MROH9: variants seen among roughly 807,000 people sequenced by gnomAD.
MROH9 encodes the protein maestro heat like repeat family member 9.
MROH9 carries 92 observed loss-of-function variants against 98.2 expected under a neutral mutation model. The observed-to-expected ratio is 0.94, with a 90% confidence interval of 0.79 to 1.11. The LOEUF is 1.11. Among genes scored for constraint, MROH9 ranks in the 50% most tolerant of loss-of-function variants. The pLI is 0.00. For synonymous variants in MROH9, 397 were observed against 368.9 expected, an observed-to-expected ratio of 1.08 and a Z score of -0.87; for missense variants, 1,057 against 1,014.8, an observed-to-expected ratio of 1.04 and a Z score of -0.57.
At chr1:171,050,448 G>C (rs1247911254) in intron 20 of MROH9, among the ~76,000 whole-genome samples, 1 of 152,096 alleles carries the variant, frequency 6.6e-6, no homozygotes, top group Non-Finnish European at 1.5e-5. Flanking sequence ...TATTGTAGAT[G>C]GGATTTAGTT....
At chr1:170,955,358 T>C (rs1234507245) in intron 3 of MROH9, among the ~76,000 whole-genome samples, 1 of 152,178 alleles carries the variant, frequency 6.6e-6, no homozygotes, top group African/African-American at 2.4e-5. Flanking sequence ...CTGGATCAAA[T>C]GGTAGTTCTA....
chr1:171,042,828 T>G (rs961000528), intron 20 of MROH9, among the ~76,000 whole-genome samples: 3 of 152,014 alleles, frequency 2.0e-5, no homozygotes. Context: ...TCTTTTGATC[T>G]GATTATTAGA....
intron 3 of MROH9, among the ~76,000 whole-genome samples, chr1:170,951,649 A>G (rs1180188151): frequency 6.6e-6 from 1 of 152,104 alleles, no homozygotes; most frequent in African/African-American, 2.4e-5. Flanking sequence ...AGGGAAAGAC[A>G]CCTCCTAGCT....
At chr1:171,032,171 G>A (rs1342640734) in intron 20 of MROH9, among the ~76,000 whole-genome samples, 1 of 152,136 alleles carries the variant, frequency 6.6e-6, no homozygotes, top group Non-Finnish European at 1.5e-5. Context: ...TCAGTTAGCA[G>A]CTCCTATAAC....
rs137870459 is a variant in MROH9, at chr1:170,977,391, A to T, written c.616+5508A>T. Among the ~76,000 whole-genome samples the T allele has an allele frequency of 6.6e-5, 10 of 152,344 alleles. No homozygotes were observed. In the East Asian group the frequency reaches 1.9e-3, roughly 29 times the overall value. On this transcript the variant is annotated intron_variant, in intron 8 of 21. Coordinates refer to ENST00000367759, the MANE Select transcript of MROH9 (RefSeq NM_001163629.2). ...ACTGCAGTGGAGATTGAGTATAGTC[A>T]GTAGACTTCCTTTCTGGATGTCTTC...
chr1:170,975,279 A>G (rs1473231129), intron 8 of MROH9, among the ~76,000 whole-genome samples: 3 of 152,160 alleles, frequency 2.0e-5, no homozygotes, highest in Non-Finnish European at 4.4e-5. Context: ...AGACAATGAT[A>G]TAACATGTTA....
intron 3 of MROH9, among the ~76,000 whole-genome samples, chr1:170,953,291 G>A (rs890825898): frequency 3.3e-5 from 5 of 151,904 alleles, no homozygotes; most frequent in African/African-American, 9.7e-5. Flanking sequence ...TCAGTATATG[G>A]TTTGTCTTAT....
intron 17 of MROH9, 86 bp from the exon 18 acceptor site, chr1:171,024,309 T>TGTGTGTGTGG: frequency 2.3e-6 from 2 of 868,204 alleles, no homozygotes; most frequent in Non-Finnish European, 3.6e-6. Flanking sequence ...ATGGGGTGTG[T>TGTGTGTGTGG]GTGTGTGTGT....
intron 4 of MROH9, among the ~76,000 whole-genome samples, chr1:170,958,768 A>G (rs1392244653): frequency 6.6e-6 from 1 of 152,154 alleles, no homozygotes; most frequent in Non-Finnish European, 1.5e-5. Flanking sequence ...ATCAGTTTGA[A>G]GATGCATCTC....
chr1:171,015,661 C>G (rs1652301492), intron 16 of MROH9, among the ~76,000 whole-genome samples: 1 of 151,890 alleles, frequency 6.6e-6, no homozygotes, highest in Non-Finnish European at 1.5e-5. Context: ...CCAAATGGGT[C>G]ACTATCATCT....
intron 14 of MROH9, 86 bp from the exon 15 acceptor site, chr1:170,998,068 A>C: frequency 9.8e-7 from 1 of 1,019,708 alleles, no homozygotes; most frequent in Non-Finnish European, 1.4e-6. Context: ...GGGAGGTGCA[A>C]GATATTAGAA....
Position 170,986,620 on chromosome 1 carries a change from G to GA in MROH9, c.792dup (p.Leu265ThrfsTer5). 6.2e-7 allele frequency: 1 copy of GA among 1,613,846 alleles called. No individual in the cohort carries two copies. Among genetic ancestry groups the GA allele is most frequent in the Non-Finnish European group, 8.5e-7 (1 of 1,179,892 alleles). On this transcript the variant is annotated frameshift_variant, in exon 10 of 22. Coordinates refer to ENST00000367759, the MANE Select transcript of MROH9 (RefSeq NM_001163629.2). LOFTEE classifies it high-confidence loss of function. ...CTGACTTTGTGCAGAGTCTCCTGAT[G>GA]AAACTCTCTTCACCTGATGATAAAA...
At chr1:171,022,933 C>A (rs76331809) in intron 17 of MROH9, among the ~76,000 whole-genome samples, 3,846 of 152,152 alleles carry the variant, frequency 0.025, 70 homozygotes, top group Non-Finnish European at 0.04. Context: ...TGGCCAAGGT[C>A]ATGTATGTGA....
At chr1:171,058,789 C>T (rs1343650805) in intron 20 of MROH9, among the ~76,000 whole-genome samples, 3 of 152,196 alleles carry the variant, frequency 2.0e-5, no homozygotes. Context: ...ACTGGCTAGC[C>T]ATATGCAGAA....
At chr1:170,978,835 C>T in intron 8 of MROH9, among the ~76,000 whole-genome samples, 1 of 152,080 alleles carries the variant, frequency 6.6e-6, no homozygotes. Context: ...TGCTGGGAAT[C>T]CAGACCAGCC....
intron 10 of MROH9, 69 bp from the exon 11 acceptor site, chr1:170,989,786 G>A: frequency 7.1e-7 from 1 of 1,406,482 alleles, no homozygotes; most frequent in Non-Finnish European, 9.7e-7. Context: ...TTATGTCCAA[G>A]AAATGCCTTG....
intron 20 of MROH9, among the ~76,000 whole-genome samples, chr1:171,036,699 A>C (rs950152537): frequency 6.6e-6 from 1 of 151,852 alleles, no homozygotes; most frequent in African/African-American, 2.4e-5. Context: ...ATGCAACAGC[A>C]AATAGCAAGG....
intron 11 of MROH9, among the ~76,000 whole-genome samples, chr1:170,990,281 C>T (rs1396206017): frequency 1.3e-5 from 2 of 152,184 alleles, no homozygotes; most frequent in Non-Finnish European, 2.9e-5. Flanking sequence ...TGTTCTGTTG[C>T]ACATCCCAGA....
At chr1:171,017,736 G>T (rs1652376045) in intron 17 of MROH9, among the ~76,000 whole-genome samples, 1 of 152,182 alleles carries the variant, frequency 6.6e-6, no homozygotes, top group South Asian at 2.1e-4. Context: ...TGGATGGCTT[G>T]ATCCCAAGAG....
Sources: gnomAD v4.1 joint callset for allele counts (sites outside exome capture counted in the v4.1 genomes callset) on GRCh38, gnomAD v4.1.1 for gene constraint, MANE v1.5 for transcripts, NCBI Gene and HGNC (gene_info 2026-07-23, HGNC 2026-07-21) for gene names.